SPAG16: variants seen among roughly 807,000 people sequenced by gnomAD.
SPAG16 encodes the protein sperm associated antigen 16.
In SPAG16, 86 loss-of-function variants were observed where a neutral mutation model predicts 80.4. The observed-to-expected ratio is 1.07, with a 90% CI of 0.90 to 1.28. The LOEUF (loss-of-function observed/expected upper bound fraction) is 1.28. Among genes scored for constraint, SPAG16 ranks in the 50% most tolerant of loss-of-function variants. SPAG16 has a pLI of 0.00. For missense variants in SPAG16, 870 were observed against 765.3 expected, an observed-to-expected ratio of 1.14 and a Z score of -1.61; for synonymous variants, 294 against 265.9, an observed-to-expected ratio of 1.11 and a Z score of -1.03.
chr2:214,392,032 C>G (rs1316239657), intron 15 of SPAG16, among the ~76,000 whole-genome samples: 4 of 152,212 alleles, frequency 2.6e-5, no homozygotes, highest in Non-Finnish European at 5.9e-5. Context: ...TCCTGGAACA[C>G]AGGTCACCAG....
At chr2:213,937,798 A>G (rs1412124066) in intron 12 of SPAG16, among the ~76,000 whole-genome samples, 2 of 152,060 alleles carry the variant, frequency 1.3e-5, no homozygotes, top group African/African-American at 2.4e-5. Context: ...CACACATTCA[A>G]TATGGCTTTG....
chr2:213,485,686 T>A (rs1422307254), intron 9 of SPAG16, among the ~76,000 whole-genome samples: 1 of 152,152 alleles, frequency 6.6e-6, no homozygotes, highest in Non-Finnish European at 1.5e-5. Context: ...ACTCAAATGT[T>A]GACAGAATGC....
At chr2:213,737,642 C>T (rs1299171768) in intron 10 of SPAG16, among the ~76,000 whole-genome samples, 1 of 152,038 alleles carries the variant, frequency 6.6e-6, no homozygotes, top group African/African-American at 2.4e-5. Context: ...CGCCCGCCAC[C>T]ACGCCCGGCT....
chr2:214,119,819 G>C (rs79828478), intron 14 of SPAG16, among the ~76,000 whole-genome samples: 3,718 of 151,646 alleles, frequency 0.025, 98 homozygotes, highest in South Asian at 0.13. Flanking sequence ...ACTTTTTTTG[G>C]TCTTTGTATA....
At chr2:213,867,349 AGAAAAT>A (rs1199181239) in intron 11 of SPAG16, among the ~76,000 whole-genome samples, 1 of 152,246 alleles carries the variant, frequency 6.6e-6, no homozygotes, top group Non-Finnish European at 1.5e-5. Flanking sequence ...TACTGAAAGA[AGAAAAT>A]GTACATTGCC....
chr2:213,970,288 CTTT>C (rs55972413), intron 12 of SPAG16, among the ~76,000 whole-genome samples: 20 of 145,692 alleles, frequency 1.4e-4, no homozygotes, highest in Admixed American at 2.0e-4. Context: ...AAAAGTTTTG[CTTT>C]TTTTTTTTTT....
chr2:213,674,948 A>G, intron 10 of SPAG16, among the ~76,000 whole-genome samples: 1 of 150,058 alleles, frequency 6.7e-6, no homozygotes, highest in Middle Eastern at 3.2e-3. Flanking sequence ...TAGATCCCTG[A>G]GGAATCACCA....
intron 14 of SPAG16, among the ~76,000 whole-genome samples, chr2:214,135,640 A>C (rs560940877): frequency 1.1e-4 from 17 of 151,860 alleles, no homozygotes; most frequent in African/African-American, 3.9e-4. Context: ...GGGATGAGTG[A>C]GTTTCTACTC....
intron 12 of SPAG16, among the ~76,000 whole-genome samples, chr2:213,954,715 T>A (rs2044030199): frequency 1.3e-5 from 2 of 152,288 alleles, no homozygotes; most frequent in Admixed American, 6.5e-5. Flanking sequence ...TGTAGGTTAA[T>A]GTTTAAAAGA....
At position 213,700,362 on chromosome 2, in the gene SPAG16, T is replaced by C. The variant is rs566756507; in HGVS notation, c.1071-162123T>C. ...TCACTTTAAAATCATCTAATCTCCTTTTAAAATGTATGACATAAATTATTT... is the reference window on the plus strand; with the variant it reads ...TCACTTTAAAATCATCTAATCTCCTCTTAAAATGTATGACATAAATTATTT... On this transcript the variant is annotated intron_variant, in intron 10 of 15. Coordinates refer to ENST00000331683, the MANE Select transcript of SPAG16 (RefSeq NM_024532.5). 2.0e-5 allele frequency among the ~76,000 whole-genome samples: 3 copies of C among 152,322 alleles called. No individual in the cohort carries two copies. The East Asian group carries it at 5.8e-4, about 29-fold the overall frequency.
At chr2:213,350,294 A>T (rs1378290145) in intron 6 of SPAG16, among the ~76,000 whole-genome samples, 1 of 152,196 alleles carries the variant, frequency 6.6e-6, no homozygotes, top group Non-Finnish European at 1.5e-5. Flanking sequence ...TGCTAGTAGG[A>T]AATAGAGAAC....
At chr2:214,012,348 T>C (rs1438810009) in intron 12 of SPAG16, among the ~76,000 whole-genome samples, 2 of 136,588 alleles carry the variant, frequency 1.5e-5, no homozygotes, top group African/African-American at 2.7e-5. Flanking sequence ...CAGTCTGGAG[T>C]GCAGTGGTGT....
intron 7 of SPAG16, among the ~76,000 whole-genome samples, chr2:213,357,756 A>G (rs1001659176): frequency 2.0e-5 from 3 of 152,142 alleles, no homozygotes; most frequent in African/African-American, 4.8e-5. Flanking sequence ...GCCCATTTAC[A>G]TTTAAGGTTA....
intron 11 of SPAG16, among the ~76,000 whole-genome samples, chr2:213,908,249 T>C (rs2077510340): frequency 6.6e-6 from 1 of 152,100 alleles, no homozygotes; most frequent in African/African-American, 2.4e-5. Flanking sequence ...GAAGAGGTAA[T>C]AGTTCTGGCA....
chr2:214,052,269 G>T (rs2049689879), intron 13 of SPAG16, among the ~76,000 whole-genome samples: 1 of 152,204 alleles, frequency 6.6e-6, no homozygotes, highest in African/African-American at 2.4e-5. Context: ...TGGACAAGGA[G>T]CTTGGTGACC....
intron 10 of SPAG16, among the ~76,000 whole-genome samples, chr2:213,523,279 G>A (rs1488399747): frequency 6.6e-6 from 1 of 152,224 alleles, no homozygotes; most frequent in Non-Finnish European, 1.5e-5. Context: ...GAAGAAGGAT[G>A]TGTTTGCTTC....
chr2:213,617,551 A>C (rs2061640413), intron 10 of SPAG16, among the ~76,000 whole-genome samples: 1 of 152,204 alleles, frequency 6.6e-6, no homozygotes, highest in Non-Finnish European at 1.5e-5. Context: ...CATGTTGGTC[A>C]GGCTGGTGTT....
At chr2:214,345,615 T>C (rs568348360) in intron 15 of SPAG16, among the ~76,000 whole-genome samples, 57 of 152,224 alleles carry the variant, frequency 3.7e-4, no homozygotes, top group Middle Eastern at 6.8e-3. Context: ...ATAACATAAA[T>C]ATACCCCTGA....
intron 6 of SPAG16, among the ~76,000 whole-genome samples, chr2:213,340,682 C>T (rs1292712517): frequency 1.3e-5 from 2 of 152,110 alleles, no homozygotes; most frequent in Non-Finnish European, 1.5e-5. Flanking sequence ...TTACGTTCAT[C>T]AAATTGTGTA....
Sources: allele counts gnomAD v4.1 joint callset (sites outside exome capture counted in the v4.1 genomes callset), GRCh38; gene constraint gnomAD v4.1.1; transcripts MANE v1.5; gene names NCBI Gene and HGNC (gene_info 2026-07-23, HGNC 2026-07-21).